COQ5: variants seen among roughly 807,000 people sequenced by gnomAD.
The protein encoded by COQ5 is 2-methoxy-6-polyprenyl-1,4-benzoquinol methylase, mitochondrial.
Under a neutral mutation model 40.5 loss-of-function variants are expected in COQ5, and 27 were observed. The observed-to-expected ratio is 0.67, with a 90% confidence interval of 0.49 to 0.92. The LOEUF is 0.92. Ranked by LOEUF, COQ5 falls within the 40% of genes least tolerant of loss-of-function variation. COQ5 has a pLI of 0.00. For synonymous variants in COQ5, 141 were observed against 150.0 expected (o/e 0.94, Z 0.44); for missense variants, 409 against 406.4 (o/e 1.01, Z -0.06).
At chr12:120,522,864 ATC>A in intron 1 of COQ5, 1 of 714,436 alleles carries the variant, frequency 1.4e-6, no homozygotes, top group Non-Finnish European at 2.5e-6. Context: ...ACCCTTTGGG[ATC>A]TCGGGCTTAA....
intron 1 of COQ5, among the ~76,000 whole-genome samples, chr12:120,525,774 A>G: frequency 6.6e-6 from 1 of 151,730 alleles, no homozygotes; most frequent in Non-Finnish European, 1.5e-5. Flanking sequence ...AATACAAAAA[A>G]ACTAGCTGGG....
At chr12:120,520,354 C>G (rs1259082908) in intron 2 of COQ5, among the ~76,000 whole-genome samples, 2 of 150,770 alleles carry the variant, frequency 1.3e-5, no homozygotes, top group African/African-American at 4.9e-5. Flanking sequence ...GAGACAGAGT[C>G]TCGCTCTGTT....
chr12:120,516,569 G>T lies in COQ5; in HGVS notation c.572C>A (p.Ala191Asp), dbSNP rs1869379944. 5 of 1,611,474 alleles carry T rather than the reference G, an allele frequency of 3.1e-6. No individual in the cohort carries two copies. Among genetic ancestry groups the T allele is most frequent in the Non-Finnish European group, 4.2e-6 (5 of 1,177,686 alleles). ...KQKALAQGYR[A>D]GLAWVLGDAE... ...TGTCTGCCTTCTGCAGGACTCACCA[G>T]CTCTGTATCCTTGAGCCAAGGCTTT... The change falls in exon 3 of 7, where the codon GCT becomes GAT. Residue 191 changes from alanine (A) to aspartate (D), a missense_variant and splice_region_variant. Transcript: ENST00000288532.
At chr12:120,521,991 C>T (rs1869683406) in intron 2 of COQ5, among the ~76,000 whole-genome samples, 1 of 151,206 alleles carries the variant, frequency 6.6e-6, no homozygotes, top group Admixed American at 6.6e-5. Flanking sequence ...AGTGAGACTC[C>T]TATCTCAAAA....
intron 1 of COQ5, among the ~76,000 whole-genome samples, chr12:120,528,268 G>C (rs932190713): frequency 6.6e-6 from 1 of 151,838 alleles, no homozygotes; most frequent in African/African-American, 2.4e-5. Flanking sequence ...TTCTCTAGAG[G>C]TAAAGAACGG....
intron 1 of COQ5, chr12:120,522,912 G>T: frequency 1.4e-6 from 1 of 701,852 alleles, no homozygotes; most frequent in Admixed American, 2.0e-5. Context: ...GATAGCGTCA[G>T]CACGTGCACT....
chr12:120,513,725 G>C (rs1869253537), intron 3 of COQ5, among the ~76,000 whole-genome samples: 1 of 151,782 alleles, frequency 6.6e-6, no homozygotes, highest in Non-Finnish European at 1.5e-5. Flanking sequence ...TCACCATGTT[G>C]ACCAGGCTGG....
chr12:120,516,717 C>T lies in COQ5; in HGVS notation c.424G>A (p.Ala142Thr), dbSNP rs745498507. The T allele has an allele frequency of 3.1e-6, 5 of 1,614,176 alleles. No homozygotes were observed. The Admixed American group carries it at 5.0e-5, about 16-fold the overall frequency. ...TCTTCCCAGGATAAATTTTGTTGGG[C>T]CCTTAACTGCCTCTTCTGTTTTCTC... is the stretch of plus-strand genomic sequence containing the variant. ...HQRKQKRQLR[A>T]QQNLSWEEIA... is the part of the protein sequence containing the mutation. Residue 142 changes from alanine to threonine, a missense_variant, in exon 3 of 7, where the codon GCC becomes ACC. By Grantham distance (58) the Ala-to-Thr change is moderately conservative. Transcript: ENST00000288532.
At chr12:120,517,317 A>G (rs1593020394) in intron 2 of COQ5, among the ~76,000 whole-genome samples, 2 of 151,870 alleles carry the variant, frequency 1.3e-5, no homozygotes, top group Admixed American at 6.6e-5. Context: ...GCGCCATTGC[A>G]CTCCAGCCTG....
chr12:120,521,134 C>T (rs1295474217), intron 2 of COQ5, among the ~76,000 whole-genome samples: 9 of 145,832 alleles, frequency 6.2e-5, no homozygotes, highest in African/African-American at 2.3e-4. Flanking sequence ...GGTACGATCT[C>T]AGCTCACTGC....
At position 120,516,677 on chromosome 12, in the gene COQ5, T is replaced by C; in HGVS notation, c.464A>G (p.Tyr155Cys). The change falls in exon 3 of 7, where the codon TAC (tyrosine) becomes TGC (cysteine). Residue 155 changes from tyrosine (Y) to cysteine (C), a missense_variant. By Grantham distance (194) the Tyr-to-Cys change is radical (BLOSUM62 -2). Transcript: ENST00000288532. The stretch of plus-strand genomic sequence containing the variant: ...GCCCAAGGAATCTTCTTCATTCTGG[T>C]ACTCTTTGGCAATTTCTTCCCAGGA... ...NLSWEEIAKE[Y>C]QNEEDSLGGS... 6.2e-7 allele frequency: 1 copy of C among 1,614,134 alleles called. No individual in the cohort carries two copies. The highest frequency in any genetic ancestry group is 8.5e-7 in the Non-Finnish European group (1 of 1,179,980).
intron 5 of COQ5, chr12:120,504,535 A>G: frequency 3.1e-6 from 1 of 321,932 alleles, no homozygotes; most frequent in Non-Finnish European, 5.9e-6. Flanking sequence ...AGCATGAGCC[A>G]CTGCACTTGG....
In COQ5 at chr12:120,516,751, G is replaced by A; in HGVS notation, c.390C>T (p.Ser130=). ...IAFRFLNYVQ[S]QHQRKQKRQL... ...GCCTCTTCTGTTTTCTCTGATGCTG[G>A]GACTGAACATAATTAAGGAACCGGA... The change falls in exon 3 of 7, where the codon TCC becomes TCT. Residue 130 remains serine, a synonymous_variant. Coordinates refer to ENST00000288532, the MANE Select transcript of COQ5 (RefSeq NM_032314.4). The A allele has an allele frequency of 1.9e-6, 3 of 1,614,156 alleles. No individual in the cohort carries two copies. The highest frequency in any genetic ancestry group is 2.5e-6 in the Non-Finnish European group (3 of 1,180,022).
Position 120,503,867 on chromosome 12 carries a change from T to G in COQ5, c.901A>C (p.Ile301Leu), listed in dbSNP as rs1868759478. Residue 301 changes from isoleucine to leucine, a missense_variant, in exon 7 of 7, where the codon ATA (isoleucine) becomes CTA (leucine). Transcript: ENST00000288532. Reference sequence around the variant, plus strand: ...ACCTTGTGAAAGCCTGCATCTTCTATCATGTCCTTGAACTCTTCCTGAAAC... The same window carrying G: ...ACCTTGTGAAAGCCTGCATCTTCTAGCATGTCCTTGAACTCTTCCTGAAAC... The part of the protein sequence containing the change: ...FPSQEEFKDM[I>L]EDAGFHKVTY... 6.2e-7 allele frequency: 1 copy of G among 1,613,940 alleles called. No homozygotes were observed. Among genetic ancestry groups the G allele is most frequent in the Admixed American group, 1.7e-5 (1 of 59,996 alleles).
intron 1 of COQ5, chr12:120,522,972 T>C: frequency 5.2e-6 from 3 of 582,398 alleles, no homozygotes; most frequent in Non-Finnish European, 3.0e-6. Context: ...TTTCTTGTTG[T>C]GCTTCTTGGC....
intron 2 of COQ5, among the ~76,000 whole-genome samples, chr12:120,518,099 G>A (rs1162505578): frequency 6.6e-6 from 1 of 152,076 alleles, no homozygotes; most frequent in East Asian, 1.9e-4. Context: ...GAGCCATTGC[G>A]CCTGGCCCTA....
intron 3 of COQ5, among the ~76,000 whole-genome samples, chr12:120,511,151 G>A (rs2137081549): frequency 6.6e-6 from 1 of 151,944 alleles, no homozygotes; most frequent in African/African-American, 2.4e-5. Context: ...CAGCTACTGG[G>A]GAGGCTGAGG....
At chr12:120,519,557 C>T (rs1348603312) in intron 2 of COQ5, among the ~76,000 whole-genome samples, 3 of 149,338 alleles carry the variant, frequency 2.0e-5, no homozygotes, top group Non-Finnish European at 4.4e-5. Flanking sequence ...AAGACTCCAT[C>T]TCAAAAAAAA....
intron 2 of COQ5, among the ~76,000 whole-genome samples, chr12:120,521,113 T>G (rs1378321606): frequency 2.0e-5 from 3 of 147,860 alleles, no homozygotes; most frequent in Non-Finnish European, 3.0e-5. Context: ...TTGCCCAGGC[T>G]GGAGTGTAAT....
Sources: allele counts gnomAD v4.1 joint callset (sites outside exome capture counted in the v4.1 genomes callset), GRCh38; gene constraint gnomAD v4.1.1; transcripts MANE v1.5; gene names NCBI Gene and HGNC (gene_info 2026-07-23, HGNC 2026-07-21).